SNAP47: variants seen among roughly 807,000 people sequenced by gnomAD.
The protein encoded by SNAP47 is synaptosomal-associated protein 47.
A neutral mutation model predicts 31.4 loss-of-function variants in SNAP47; 20 were observed. The observed-to-expected ratio is 0.64, with a 90% CI of 0.45 to 0.93. SNAP47 has a LOEUF of 0.93. Ranked by LOEUF, SNAP47 falls within the 40% of genes least tolerant of loss-of-function variation. The pLI, the probability that SNAP47 is intolerant of heterozygous loss-of-function variation, is 0.00. For missense variants in SNAP47, 492 were observed against 528.5 expected (o/e 0.93, Z 0.68); for synonymous variants, 194 against 213.4 (o/e 0.91, Z 0.79).
chr1:227,758,772 G>A (rs936500893), intron 2 of SNAP47, among the ~76,000 whole-genome samples: 20 of 146,804 alleles, frequency 1.4e-4, no homozygotes, highest in African/African-American at 2.3e-4. Context: ...TTGCTGGTTG[G>A]CTTTGCATCT....
In SNAP47 at chr1:227,736,517, T is replaced by G. The variant is rs1469280156; in HGVS notation, c.-46+1018T>G. 8 of 127,600 alleles carry G rather than the reference T, an allele frequency of 6.3e-5. No individual in the cohort carries two copies. In the South Asian group the frequency reaches 1.1e-3, roughly 18 times the overall value. 7.9% of individuals were successfully genotyped at this position (127,600 alleles called of 1,614,324 possible). A position where few individuals can be genotyped will look rare whatever the true frequency, so the allele number is the denominator to read the frequency against. On this transcript the variant is annotated intron_variant, in intron 1 of 4. Coordinates refer to ENST00000617596, the MANE Select transcript of SNAP47 (RefSeq NM_053052.4). ...GCCCAGAGCAGTTTTTTTTTTTTTT[T>G]TTTTTTTTTTTTTTTTTTTTGAGAC...
upstream of SNAP47, chr1:227,732,757 C>T (rs1210302981): frequency 5.0e-6 from 8 of 1,590,972 alleles, no homozygotes; most frequent in African/African-American, 1.3e-5. Flanking sequence ...GCCCAGTCCC[C>T]AAGGACGAAG....
At chr1:227,743,504 C>T (rs182445688) in intron 1 of SNAP47, among the ~76,000 whole-genome samples, 8 of 152,322 alleles carry the variant, frequency 5.3e-5, no homozygotes, top group African/African-American at 1.4e-4. Flanking sequence ...CTGCTGGCCT[C>T]GGCCCCTTGC....
chr1:227,774,537 C>T (rs1435556482), intron 4 of SNAP47, among the ~76,000 whole-genome samples: 2 of 152,172 alleles, frequency 1.3e-5, no homozygotes, highest in African/African-American at 2.4e-5. Flanking sequence ...CCTCCATGCA[C>T]AGCAGTGTCC....
chr1:227,743,679 G>A (rs907884281), intron 1 of SNAP47, among the ~76,000 whole-genome samples: 2 of 152,160 alleles, frequency 1.3e-5, no homozygotes, highest in African/African-American at 4.8e-5. Context: ...CTATCTGTCT[G>A]CTCCCCTGGA....
At chr1:227,776,013 G>A in intron 4 of SNAP47, 1 of 1,217,122 alleles carries the variant, frequency 8.2e-7, no homozygotes, top group South Asian at 1.4e-5. Flanking sequence ...GTGCTATCCT[G>A]GGGGACCATG....
chr1:227,738,516 G>T (rs890508259), intron 1 of SNAP47, among the ~76,000 whole-genome samples: 1 of 151,974 alleles, frequency 6.6e-6, no homozygotes, highest in Non-Finnish European at 1.5e-5. Context: ...TTTCTCCATC[G>T]TGTATAATAT....
At chr1:227,735,012 C>T (rs768239191), upstream of SNAP47, 3 of 1,538,666 alleles carry the variant, frequency 1.9e-6, no homozygotes, top group Admixed American at 2.0e-5. Context: ...GCCGCCCCAC[C>T]GTAGGTCCGT....
Position 227,747,806 on chromosome 1 carries a change from A to G in SNAP47, c.70A>G (p.Thr24Ala). ...YYLEPKRRWV[T>A]GQLSLTSLSL... ...CCTGGAGCCCAAGAGGCGATGGGTTACTGGACAGCTGTCCTTAACATCGCT... is the reference window on the plus strand; with the variant it reads ...CCTGGAGCCCAAGAGGCGATGGGTTGCTGGACAGCTGTCCTTAACATCGCT... Residue 24 changes from threonine to alanine, a missense_variant, in exon 2 of 5, where the codon ACT becomes GCT. Transcript: ENST00000617596. 6.2e-7 allele frequency: 1 copy of G among 1,614,220 alleles called. No individual in the cohort carries two copies. The highest frequency in any genetic ancestry group is 8.5e-7 in the Non-Finnish European group (1 of 1,180,040).
intron 2 of SNAP47, among the ~76,000 whole-genome samples, chr1:227,751,867 C>T (rs1045541283): frequency 2.0e-5 from 3 of 146,434 alleles, no homozygotes; most frequent in African/African-American, 7.6e-5. Context: ...GGGTTCCTGC[C>T]ATTCTCCTGC....
chr1:227,735,384 G>C (rs377162448), upstream of SNAP47: 234 of 1,584,372 alleles, frequency 1.5e-4, 1 homozygote, highest in East Asian at 3.6e-3. Flanking sequence ...TGCCCCGCCA[G>C]CGCCTGGGGC....
chr1:227,767,936 G>A (rs1195035823), intron 4 of SNAP47, among the ~76,000 whole-genome samples: 1 of 152,262 alleles, frequency 6.6e-6, no homozygotes, highest in Non-Finnish European at 1.5e-5. Flanking sequence ...TTAATGTTCA[G>A]TGTAAATACT....
chr1:227,744,957 G>C (rs1350025751), intron 1 of SNAP47, among the ~76,000 whole-genome samples: 1 of 152,212 alleles, frequency 6.6e-6, no homozygotes, highest in Non-Finnish European at 1.5e-5. Flanking sequence ...CCACAGCCTT[G>C]GGTGGAGCTG....
chr1:227,735,815 C>T, intron 1 of SNAP47: 2 of 769,796 alleles, frequency 2.6e-6, no homozygotes, highest in Non-Finnish European at 3.2e-6. Flanking sequence ...TGGTGGGGAC[C>T]TGGAGAGGAC....
At chr1:227,775,621 A>G (rs1664112553) in intron 4 of SNAP47, among the ~76,000 whole-genome samples, 1 of 152,236 alleles carries the variant, frequency 6.6e-6, no homozygotes, top group Non-Finnish European at 1.5e-5. Flanking sequence ...GGACGTCTTC[A>G]GGCCCCCAGC....
chr1:227,776,505 A>C, intron 4 of SNAP47: 1 of 985,620 alleles, frequency 1.0e-6, no homozygotes. Context: ...GTGTGAGGCC[A>C]CTGGCTGCCT....
upstream of SNAP47, chr1:227,735,252 G>C (rs772131933): frequency 1.2e-6 from 2 of 1,603,070 alleles, no homozygotes; most frequent in African/African-American, 2.7e-5. Flanking sequence ...CTGTCGGCGA[G>C]GGCGCGCGTC....
chr1:227,732,905 C>T (rs1355771706), upstream of SNAP47: 1 of 1,612,684 alleles, frequency 6.2e-7, no homozygotes. Flanking sequence ...GCCAGTCGGG[C>T]ATGGAGTCCC....
chr1:227,770,349 G>A (rs991672505), intron 4 of SNAP47, among the ~76,000 whole-genome samples: 3 of 152,066 alleles, frequency 2.0e-5, no homozygotes, highest in African/African-American at 4.8e-5. Context: ...TCACGTGGAG[G>A]TGTGGGACTG....
Sources: allele counts gnomAD v4.1 joint callset (sites outside exome capture counted in the v4.1 genomes callset), GRCh38; gene constraint gnomAD v4.1.1; transcripts MANE v1.5; gene names NCBI Gene and HGNC (gene_info 2026-07-23, HGNC 2026-07-21).